The following UBE2D3 variants were observed in gnomAD, a reference collection of about 807,000 sequenced individuals.
UBE2D3 encodes the protein ubiquitin-conjugating enzyme E2 D3.
Under a neutral mutation model 22.8 loss-of-function variants are expected in UBE2D3, and 2 were observed. The observed-to-expected ratio is 0.09, with a 90% CI of 0.04 to 0.28. The LOEUF (loss-of-function observed/expected upper bound fraction) is 0.28, where lower values mean the gene tolerates loss of function less well. Among genes scored for constraint, UBE2D3 ranks in the 10% least tolerant of loss-of-function variants. The probability of loss-of-function intolerance (pLI) is 1.00; values close to 1 mark genes in which losing one functional copy is unlikely to be tolerated. For synonymous variants in UBE2D3, 56 were observed against 60.4 expected (o/e 0.93, Z 0.34); for missense variants, 27 against 182.5 (o/e 0.15, Z 4.91).
At chr4:102,848,829 A>G (rs761101740) in intron 1 of UBE2D3, among the ~76,000 whole-genome samples, 52 of 151,754 alleles carry the variant, frequency 3.4e-4, no homozygotes, top group Non-Finnish European at 6.5e-4. Flanking sequence ...AAAAAAAAGT[A>G]AACTAAATAT....
At chr4:102,848,685 A>C (rs1285869787) in intron 1 of UBE2D3, among the ~76,000 whole-genome samples, 1 of 151,892 alleles carries the variant, frequency 6.6e-6, no homozygotes, top group Non-Finnish European at 1.5e-5. Flanking sequence ...TGGGTATGGT[A>C]GTGCACGCCT....
chr4:102,799,084 T>C, intron 7 of UBE2D3: 1 of 1,239,690 alleles, frequency 8.1e-7, no homozygotes, highest in East Asian at 2.5e-5. Context: ...ACCAAATTTT[T>C]ACAATAGTAC....
chr4:102,830,065 C>T (rs186323209), upstream of UBE2D3, among the ~76,000 whole-genome samples: 1 of 152,210 alleles, frequency 6.6e-6, no homozygotes, highest in Non-Finnish European at 1.5e-5. Context: ...TTTCTGTTTA[C>T]AAGTTTGTAT....
At position 102,795,681 on chromosome 4, in the gene UBE2D3, C is replaced by T. The variant is rs1330083217; in HGVS notation, c.*1734G>A. On this transcript the variant is annotated 3_prime_UTR_variant, in exon 8 of 8. Coordinates refer to ENST00000453744, the MANE Select transcript of UBE2D3 (RefSeq NM_181891.3). ...CTTAAGTCAATAAATCATGTCCAAA[C>T]TACATATTAAAATGTTTATAAAAAG... 1 of 152,032 alleles carries T rather than the reference C, an allele frequency of 6.6e-6. No individual in the cohort carries two copies. The allele number at this position is 152,032 out of a possible 1,614,324, so 9.4% of individuals were successfully genotyped here. A position where few individuals can be genotyped will look rare whatever the true frequency, so the allele number is the denominator to read the frequency against.
At chr4:102,801,010 A>T (rs1726073354) in intron 6 of UBE2D3, among the ~76,000 whole-genome samples, 1 of 152,008 alleles carries the variant, frequency 6.6e-6, no homozygotes, top group Non-Finnish European at 1.5e-5. Flanking sequence ...TACATAAAAC[A>T]TGACTGAAGA....
At chr4:102,837,530 G>C (rs1247081487) in intron 1 of UBE2D3, among the ~76,000 whole-genome samples, 1 of 152,168 alleles carries the variant, frequency 6.6e-6, no homozygotes, top group Non-Finnish European at 1.5e-5. Flanking sequence ...TTTAATTAAA[G>C]TATGTACACA....
At chr4:102,853,135 A>ACCTTTT (rs752835398) in intron 1 of UBE2D3, among the ~76,000 whole-genome samples, 1 of 88,598 alleles carries the variant, frequency 1.1e-5, no homozygotes, top group Non-Finnish European at 2.1e-5. Flanking sequence ...AAACACACAC[A>ACCTTTT]TTTTTTTTTT....
chr4:102,805,942 G>C (rs745710776), intron 4 of UBE2D3, among the ~76,000 whole-genome samples: 1 of 152,146 alleles, frequency 6.6e-6, no homozygotes, highest in African/African-American at 2.4e-5. Flanking sequence ...AATCAAGATA[G>C]TTATCAAGTA....
At chr4:102,827,318 C>A in intron 1 of UBE2D3, 109 bp downstream of exon 1, 1 of 967,388 alleles carries the variant, frequency 1.0e-6, no homozygotes, top group Non-Finnish European at 1.2e-6. Flanking sequence ...CCCACCGCAC[C>A]CAATAGGCTG....
chr4:102,800,993 T>A (rs1462812185), intron 6 of UBE2D3, among the ~76,000 whole-genome samples: 2 of 151,962 alleles, frequency 1.3e-5, no homozygotes, highest in Non-Finnish European at 2.9e-5. Context: ...AAACAACCTA[T>A]CATGGTTACA....
chr4:102,848,920 C>CGTGTGT (rs1560889524), intron 1 of UBE2D3, among the ~76,000 whole-genome samples: 1 of 96,484 alleles, frequency 1.0e-5, no homozygotes, highest in African/African-American at 4.4e-5. Flanking sequence ...TTTATGTGTG[C>CGTGTGT]CTGTGTGTGT....
intron 5 of UBE2D3, chr4:102,802,088 ATTTATG>A (rs1215967350): frequency 6.5e-6 from 1 of 154,288 alleles, no homozygotes; most frequent in Non-Finnish European, 1.4e-5. Context: ...TACAGGTTGA[ATTTATG>A]TTAATGACTG....
intron 1 of UBE2D3, among the ~76,000 whole-genome samples, chr4:102,845,972 C>T (rs1490508133): frequency 6.6e-6 from 1 of 151,978 alleles, no homozygotes; most frequent in Non-Finnish European, 1.5e-5. Flanking sequence ...TGTATTTTTA[C>T]TAGAGATGGG....
chr4:102,820,718 C>A (rs1729463184), intron 2 of UBE2D3, among the ~76,000 whole-genome samples: 1 of 151,912 alleles, frequency 6.6e-6, no homozygotes, highest in South Asian at 2.1e-4. Flanking sequence ...GTTTTATGGA[C>A]ATTAAAACAA....
intron 2 of UBE2D3, among the ~76,000 whole-genome samples, chr4:102,814,154 T>C (rs1016309636): frequency 1.3e-5 from 2 of 152,196 alleles, no homozygotes; most frequent in African/African-American, 4.8e-5. Flanking sequence ...GAAATTCATA[T>C]CGCAGTTCAA....
intron 1 of UBE2D3, among the ~76,000 whole-genome samples, chr4:102,852,045 C>T (rs1732385772): frequency 1.0e-5 from 1 of 97,802 alleles, no homozygotes; most frequent in Admixed American, 1.0e-4. Flanking sequence ...GAAAGTTTGG[C>T]CATGTAACTA....
upstream of UBE2D3, chr4:102,828,227 T>C: frequency 1.0e-6 from 1 of 985,182 alleles, no homozygotes; most frequent in Non-Finnish European, 1.2e-6. Flanking sequence ...ACGCGCCCAA[T>C]CAGGAGCGTG....
At chr4:102,858,213 C>G (rs1732721305) in intron 1 of UBE2D3, among the ~76,000 whole-genome samples, 1 of 151,890 alleles carries the variant, frequency 6.6e-6, no homozygotes, top group South Asian at 2.1e-4. Context: ...ATATAGTAAG[C>G]ACTTGAAAAT....
intron 1 of UBE2D3, chr4:102,827,077 G>C (rs1189708118): frequency 2.0e-6 from 2 of 984,354 alleles, no homozygotes; most frequent in Admixed American, 6.1e-5. Flanking sequence ...GGAAATAAAG[G>C]AAGGGAGACT....
Sources: gnomAD v4.1 joint callset for allele counts (sites outside exome capture counted in the v4.1 genomes callset) on GRCh38, gnomAD v4.1.1 for gene constraint, MANE v1.5 for transcripts, NCBI Gene and HGNC (gene_info 2026-07-23, HGNC 2026-07-21) for gene names.